IAH1: variants seen among roughly 807,000 people sequenced by gnomAD.
IAH1 encodes isoamyl acetate-hydrolyzing esterase 1 homolog.
Under a neutral mutation model 26.7 loss-of-function variants are expected in IAH1, and 24 were observed. The observed-to-expected ratio is 0.90, with a 90% CI of 0.65 to 1.26. The LOEUF (loss-of-function observed/expected upper bound fraction) is 1.26, where lower values mean the gene tolerates loss of function less well. IAH1 is among the 50% of genes most tolerant of loss of function. The pLI is 0.00. For synonymous variants in IAH1, 140 were observed against 118.5 expected (o/e 1.18, Z -1.18); for missense variants, 300 against 299.9 (o/e 1.00, Z 0.00).
At chr2:9,502,280 G>C in the IAH1 span, 2 of 1,607,064 alleles carry the variant, frequency 1.2e-6, no homozygotes, top group East Asian at 4.5e-5. Context: ...CCTGTCACTG[G>C]AGAAGAACAG....
upstream of IAH1, among the ~76,000 whole-genome samples, chr2:9,474,286 C>G (rs893301461): frequency 6.6e-6 from 1 of 152,194 alleles, no homozygotes; most frequent in East Asian, 1.9e-4. The surrounding 1 kb of genome is among the most constrained non-coding windows in gnomAD (Gnocchi z 4.3). Flanking sequence ...CACCTGCGCC[C>G]GCGGAGCGCG....
chr2:9,475,053 G>T, intron 1 of IAH1: 1 of 1,173,286 alleles, frequency 8.5e-7, no homozygotes, highest in Non-Finnish European at 1.1e-6. Flanking sequence ...CCAGCTCCGG[G>T]CAGAGGCGCC....
the IAH1 span, among the ~76,000 whole-genome samples, chr2:9,507,743 A>C: frequency 6.6e-6 from 1 of 151,942 alleles, no homozygotes; most frequent in Non-Finnish European, 1.5e-5. Context: ...TTTTTGAGAT[A>C]AAGTCTCACT....
downstream of IAH1, chr2:9,491,190 C>T (rs371300216): frequency 8.2e-6 from 13 of 1,579,474 alleles, no homozygotes; most frequent in African/African-American, 1.3e-5. Flanking sequence ...CCTACAAATA[C>T]AATTCAGTTA....
chr2:9,490,307 A>C, downstream of IAH1: 1 of 1,614,030 alleles, frequency 6.2e-7, no homozygotes, highest in Non-Finnish European at 8.5e-7. Flanking sequence ...GCTATTTGGG[A>C]AGGGGTCCTT....
At chr2:9,508,636 TAGAA>T in the IAH1 span, among the ~76,000 whole-genome samples, 19 of 152,316 alleles carry the variant, frequency 1.2e-4, no homozygotes, top group East Asian at 2.3e-3. Context: ...TTAAATAAAA[TAGAA>T]TTTACAATTC....
the IAH1 span, chr2:9,505,424 C>T: frequency 6.6e-7 from 1 of 1,517,824 alleles, no homozygotes; most frequent in Non-Finnish European, 9.1e-7. Flanking sequence ...TATTCCCATG[C>T]AATGTTTGTG....
downstream of IAH1, chr2:9,490,261 G>T: frequency 6.2e-7 from 1 of 1,614,030 alleles, no homozygotes; most frequent in Non-Finnish European, 8.5e-7. Context: ...TGACCGGATG[G>T]TCCGTGAGAT....
chr2:9,486,757 A>G (rs899044656), intron 5 of IAH1: 1 of 151,724 alleles, frequency 6.6e-6, no homozygotes, highest in African/African-American at 2.4e-5. Flanking sequence ...TGAACCCGGG[A>G]GGCAGAGGTT....
At chr2:9,509,914 CTCATTATGA>C in the IAH1 span, 5 of 1,575,060 alleles carry the variant, frequency 3.2e-6, no homozygotes, top group South Asian at 5.7e-5. Flanking sequence ...TTTCTGAGCT[CTCATTATGA>C]TCATTATACA....
At chr2:9,511,591 T>C in the IAH1 span, among the ~76,000 whole-genome samples, 2 of 152,370 alleles carry the variant, frequency 1.3e-5, no homozygotes, top group South Asian at 2.1e-4. Flanking sequence ...GTACTTAATC[T>C]ATCAGATTAT....
intron 4 of IAH1, among the ~76,000 whole-genome samples, chr2:9,483,440 A>T (rs890411650): frequency 6.6e-6 from 1 of 152,190 alleles, no homozygotes; most frequent in Non-Finnish European, 1.5e-5. Flanking sequence ...GGGATGGGGT[A>T]GCTAGTTATA....
At chr2:9,483,419 A>T (rs747375391) in intron 4 of IAH1, among the ~76,000 whole-genome samples, 1 of 152,048 alleles carries the variant, frequency 6.6e-6, no homozygotes, top group African/African-American at 2.4e-5. Flanking sequence ...AATTTTTTAA[A>T]TTTTTTTGTA....
At chr2:9,507,680 A>T in the IAH1 span, among the ~76,000 whole-genome samples, 3 of 152,072 alleles carry the variant, frequency 2.0e-5, no homozygotes, top group African/African-American at 7.2e-5. Flanking sequence ...AGAAAAAAAA[A>T]GTTCTTCCCA....
intron 5 of IAH1, chr2:9,486,452 C>T (rs1041984298): frequency 3.3e-5 from 5 of 152,210 alleles, no homozygotes; most frequent in Non-Finnish European, 5.9e-5. Context: ...ATCATCTCAT[C>T]TCAAACTGCC....
At chr2:9,484,196 G>A (rs1661347069) in intron 4 of IAH1, among the ~76,000 whole-genome samples, 1 of 152,216 alleles carries the variant, frequency 6.6e-6, no homozygotes, top group Admixed American at 6.5e-5. Context: ...CGCCTCAGAA[G>A]ATTCCGGTTA....
downstream of IAH1, among the ~76,000 whole-genome samples, chr2:9,492,655 T>C (rs1224323839): frequency 6.6e-6 from 1 of 152,230 alleles, no homozygotes; most frequent in Admixed American, 6.5e-5. Flanking sequence ...TGCTTAAAAG[T>C]ATAAAATTCC....
the IAH1 span, among the ~76,000 whole-genome samples, chr2:9,508,167 T>C: frequency 3.9e-5 from 6 of 152,192 alleles, no homozygotes; most frequent in Admixed American, 1.3e-4. Flanking sequence ...ACCTATTACT[T>C]AGAGAAACAG....
chr2:9,492,277 AT>A (rs1285228756), downstream of IAH1, among the ~76,000 whole-genome samples: 1 of 152,244 alleles, frequency 6.6e-6, no homozygotes, highest in Non-Finnish European at 1.5e-5. Context: ...AAGTGAATGG[AT>A]TCGTAAGAAC....
Sources: allele counts gnomAD v4.1 joint callset (sites outside exome capture counted in the v4.1 genomes callset), GRCh38; gene constraint gnomAD v4.1.1; non-coding constraint Gnocchi (gnomAD v3.1); transcripts MANE v1.5; gene names NCBI Gene and HGNC (gene_info 2026-07-23, HGNC 2026-07-21).